The following PARPBP variants were observed in gnomAD, a reference collection of about 807,000 sequenced individuals.
PARPBP encodes the protein PARP1 binding protein, also known as PCNA-interacting partner.
Under a neutral mutation model 50.0 loss-of-function variants are expected in PARPBP, and 52 were observed. The observed-to-expected ratio is 1.04, with a 90% CI of 0.83 to 1.31. The LOEUF is 1.31. Ranked by LOEUF, PARPBP falls within the 50% of genes most tolerant of loss-of-function variation. PARPBP has a pLI of 0.00. For missense variants in PARPBP, 697 were observed against 672.0 expected (o/e 1.04, Z -0.41); for synonymous variants, 244 against 232.1 (o/e 1.05, Z -0.47).
chr12:102,133,193 G>A (rs1225653543), intron 2 of PARPBP, among the ~76,000 whole-genome samples: 1 of 152,108 alleles, frequency 6.6e-6, no homozygotes, highest in Non-Finnish European at 1.5e-5. Context: ...TTGAATAGAA[G>A]TGGGAAGAGT....
intron 10 of PARPBP, 126 bp downstream of exon 10, chr12:102,195,573 A>G (rs1891226939): frequency 1.0e-5 from 7 of 681,962 alleles, no homozygotes; most frequent in Admixed American, 3.0e-5. Context: ...ATTTTTAAAG[A>G]CCTCAGTTTA....
chr12:102,162,200 T>C (rs1233899690), intron 4 of PARPBP, among the ~76,000 whole-genome samples: 1 of 152,208 alleles, frequency 6.6e-6, no homozygotes, highest in Non-Finnish European at 1.5e-5. Context: ...TTTTAGTTTC[T>C]TTTATGCTTC....
chr12:102,156,279 C>T lies in PARPBP; in HGVS notation c.495+2303C>T, dbSNP rs368766446. 1.9e-4 allele frequency among the ~76,000 whole-genome samples: 29 copies of T among 149,720 alleles called. 1 individual carries two copies. The highest frequency in any genetic ancestry group is 2.7e-4 in the Admixed American group (4 of 14,950). On this transcript the variant is annotated intron_variant, in intron 4 of 10. Coordinates refer to ENST00000327680, the MANE Select transcript of PARPBP (RefSeq NM_017915.5). ...TCGGCTCATTGGAAGCTCCGCCTCC[C>T]GTGTTCATGCCATTCTCCTTCCTCA...
intron 8 of PARPBP, among the ~76,000 whole-genome samples, chr12:102,181,381 G>A (rs888659772): frequency 6.6e-5 from 10 of 152,130 alleles, no homozygotes; most frequent in East Asian, 1.9e-4. Context: ...TAAAGGCATC[G>A]TTAGGCAATT....
At chr12:102,155,662 T>C (rs1886804096) in intron 4 of PARPBP, among the ~76,000 whole-genome samples, 2 of 150,090 alleles carry the variant, frequency 1.3e-5, no homozygotes, top group Admixed American at 6.6e-5. Context: ...TTCAACACCC[T>C]TTGGGTCCCC....
intron 2 of PARPBP, among the ~76,000 whole-genome samples, chr12:102,141,517 A>G (rs926442291): frequency 6.6e-6 from 1 of 152,072 alleles, no homozygotes; most frequent in African/African-American, 2.4e-5. Context: ...TGTGAATTTG[A>G]TCCTGTCATT....
intron 8 of PARPBP, among the ~76,000 whole-genome samples, chr12:102,179,275 T>C (rs1889597239): frequency 6.6e-6 from 1 of 152,212 alleles, no homozygotes; most frequent in South Asian, 2.1e-4. Flanking sequence ...AGAGAGCACA[T>C]ACACCAAACT....
chr12:102,131,630 A>G (rs1882867101), intron 2 of PARPBP, among the ~76,000 whole-genome samples: 1 of 152,256 alleles, frequency 6.6e-6, no homozygotes, highest in Non-Finnish European at 1.5e-5. Flanking sequence ...AAAATGTGGT[A>G]CATATACATC....
chr12:102,120,788 C>A (rs112601662), intron 1 of PARPBP, among the ~76,000 whole-genome samples: 1 of 152,292 alleles, frequency 6.6e-6, no homozygotes, highest in African/African-American at 2.4e-5. Flanking sequence ...TAGGAATTCC[C>A]TTCCTGGTTT....
intron 2 of PARPBP, among the ~76,000 whole-genome samples, chr12:102,138,315 A>G (rs1410171327): frequency 2.0e-5 from 3 of 151,844 alleles, no homozygotes; most frequent in African/African-American, 7.3e-5. Context: ...TTTGAGAAGT[A>G]TCTGTTCATA....
intron 9 of PARPBP, 117 bp from the exon 10 acceptor site, chr12:102,195,195 A>C: frequency 1.8e-6 from 1 of 565,728 alleles, no homozygotes; most frequent in Non-Finnish European, 2.9e-6. Context: ...TCAATGAGTA[A>C]TAGAATTTCT....
At chr12:102,172,806 A>C (rs977674822) in intron 6 of PARPBP, among the ~76,000 whole-genome samples, 1 of 152,188 alleles carries the variant, frequency 6.6e-6, no homozygotes, top group Non-Finnish European at 1.5e-5. Flanking sequence ...GATTTTATTA[A>C]CCATTTGAAT....
chr12:102,181,159 T>C (rs1415627315), intron 8 of PARPBP, among the ~76,000 whole-genome samples: 1 of 152,188 alleles, frequency 6.6e-6, no homozygotes, highest in Non-Finnish European at 1.5e-5. Context: ...TTACTTAGAC[T>C]TCAGGATGCC....
chr12:102,178,901 G>C, intron 8 of PARPBP, 131 bp downstream of exon 8: 1 of 550,502 alleles, frequency 1.8e-6, no homozygotes, highest in Non-Finnish European at 3.1e-6. Context: ...TAATTAAAGG[G>C]AGATTGAACA....
At chr12:102,152,376 C>T (rs1185291652) in intron 3 of PARPBP, among the ~76,000 whole-genome samples, 3 of 152,186 alleles carry the variant, frequency 2.0e-5, no homozygotes, top group Non-Finnish European at 4.4e-5. Context: ...ACCCACATTT[C>T]TTTTAAGGTT....
chr12:102,171,297 G>T (rs1888704252), intron 6 of PARPBP, among the ~76,000 whole-genome samples: 1 of 151,926 alleles, frequency 6.6e-6, no homozygotes, highest in Non-Finnish European at 1.5e-5. Flanking sequence ...TTATATTACT[G>T]GCAGCACAGT....
At chr12:102,121,210 T>C (rs1881013365) in intron 1 of PARPBP, among the ~76,000 whole-genome samples, 1 of 152,126 alleles carries the variant, frequency 6.6e-6, no homozygotes, top group Non-Finnish European at 1.5e-5. Flanking sequence ...AGACCAGGGG[T>C]TGGCAAACTG....
chr12:102,179,421 TG>T lies in PARPBP; in HGVS notation c.1184+654del, dbSNP rs376839497. On this transcript the variant is annotated intron_variant, in intron 8 of 10. Transcript: ENST00000327680. The stretch of plus-strand genomic sequence containing the variant: ...GCTGGCATAACAAAATACTACAGAC[TG>T]GGTAGCTTAAACAATAGAAACCTAT... Among the ~76,000 whole-genome samples, 22 of 152,374 alleles carry T rather than the reference TG, an allele frequency of 1.4e-4. No homozygotes were observed. The East Asian group carries it at 3.9e-3, about 27-fold the overall frequency.
At chr12:102,121,430 TAGA>T (rs1426452730) in intron 1 of PARPBP, among the ~76,000 whole-genome samples, 1 of 152,132 alleles carries the variant, frequency 6.6e-6, no homozygotes, top group South Asian at 2.1e-4. Context: ...ATTTTCACAC[TAGA>T]AGGTCAAAGT....
Sources: gnomAD v4.1 joint callset for allele counts (sites outside exome capture counted in the v4.1 genomes callset) on GRCh38, gnomAD v4.1.1 for gene constraint, MANE v1.5 for transcripts, NCBI Gene and HGNC (gene_info 2026-07-23, HGNC 2026-07-21) for gene names.